Variants in DUSP9 observed in about 807,000 individuals in gnomAD.
The protein encoded by DUSP9 is dual specificity phosphatase 9, also known as dual specificity protein phosphatase 9.
Under a neutral mutation model 13.2 loss-of-function variants are expected in DUSP9, and 4 were observed. That is an observed-to-expected ratio of 0.30 (90% CI 0.15 to 0.69). The LOEUF is 0.69. Ranked by LOEUF, DUSP9 falls within the 30% of genes least tolerant of loss-of-function variation. The probability of loss-of-function intolerance (pLI) is 0.73; values close to 1 mark genes in which losing one functional copy is unlikely to be tolerated. For missense variants in DUSP9, 263 were observed against 355.0 expected (o/e 0.74, Z 2.08); for synonymous variants, 166 against 172.3 (o/e 0.96, Z 0.29).
rs781910246 is a variant in DUSP9 at position 153,649,625 on chromosome X, C to T, written c.767C>T (p.Pro256Leu). 2.5e-6 allele frequency: 3 copies of T among 1,211,914 alleles called. No individual in the cohort carries two copies. Among genetic ancestry groups the T allele is most frequent in the Non-Finnish European group, 3.3e-6 (3 of 895,607 alleles). Residue 256 changes from proline to leucine, a missense_variant, in exon 3 of 4, where the codon CCC (proline) becomes CTC (leucine). Physicochemically the swap from Pro to Leu is moderately conservative, Grantham distance 98. Coordinates refer to ENST00000342782, the MANE Select transcript of DUSP9 (RefSeq NM_001318503.2). The stretch of plus-strand genomic sequence containing the variant: ...GGTGACTTTCACTACAAGCAGATCC[C>T]CATCTCCGACCACTGGAGCCAGAAC... Reference protein sequence around the residue: ...KNGDFHYKQIPISDHWSQNLS... With the variant: ...KNGDFHYKQILISDHWSQNLS...
rs1351998221 is a variant in DUSP9 at position 153,650,495 on chromosome X, TCTTCTGCGA to T, written c.*193_*201del. The T allele has an allele frequency of 4.8e-6, 2 of 416,373 alleles. No homozygotes were observed. The highest frequency in any genetic ancestry group is 8.3e-6 in the Non-Finnish European group (2 of 241,760). The allele number at this position is 416,373 out of a possible 1,213,427, so 34.3% of individuals were successfully genotyped here. ...GGCGGGACCACGCTCGGAGCCTGCC[TCTTCTGCGA>T]CTGTTACTTTTTCTTTGCGGGATGG... On this transcript the variant is annotated 3_prime_UTR_variant, in exon 4 of 4. Transcript: ENST00000342782.
chrX:153,648,818 C>T (rs1557035972), intron 2 of DUSP9, among the ~76,000 whole-genome samples: 1 of 112,561 alleles, frequency 8.9e-6, no homozygotes, highest in African/African-American at 3.2e-5. Flanking sequence ...TATTCTCCCC[C>T]AAGTTCCCCC....
chrX:153,644,033 C>A (rs1187183322), upstream of DUSP9, among the ~76,000 whole-genome samples: 1 of 111,814 alleles, frequency 8.9e-6, no homozygotes, highest in East Asian at 2.8e-4. Flanking sequence ...GGAAAAGACA[C>A]TGGATTTGGC....
chrX:153,649,163 A>G, intron 2 of DUSP9, 69 bp from the exon 3 acceptor site: 2 of 1,045,510 alleles, frequency 1.9e-6, no homozygotes, highest in Admixed American at 4.5e-5. Flanking sequence ...TCATCTCCCC[A>G]GCCCCAGACA....
chrX:153,650,496 C>T lies in DUSP9; in HGVS notation c.*191C>T. Reference sequence around the variant, plus strand: ...GCGGGACCACGCTCGGAGCCTGCCTCTTCTGCGACTGTTACTTTTTCTTTG... The same window carrying T: ...GCGGGACCACGCTCGGAGCCTGCCTTTTCTGCGACTGTTACTTTTTCTTTG... On this transcript the variant is annotated 3_prime_UTR_variant, in exon 4 of 4. Transcript: ENST00000342782. 1.4e-5 allele frequency: 6 copies of T among 415,896 alleles called. No homozygotes were observed. The highest frequency in any genetic ancestry group is 2.1e-5 in the Non-Finnish European group (5 of 241,139). 34.3% of individuals were successfully genotyped at this position (415,896 alleles called of 1,213,427 possible). A position where few individuals can be genotyped will look rare whatever the true frequency, so the allele number is the denominator to read the frequency against.
chrX:153,644,307 C>CGGGGGG (rs2091180377), upstream of DUSP9, among the ~76,000 whole-genome samples: 1 of 21,149 alleles, frequency 4.7e-5, no homozygotes, highest in Non-Finnish European at 9.8e-5. Context: ...GGGGCGGGGG[C>CGGGGGG]GGGGGCGGCA....
At chrX:153,644,273 G>C (rs868982061), upstream of DUSP9, among the ~76,000 whole-genome samples, 20 of 93,133 alleles carry the variant, frequency 2.1e-4, no homozygotes, top group Middle Eastern at 5.7e-3. Flanking sequence ...CGGAGGCCCG[G>C]GGCGCCCGGC....
At position 153,650,600 on chromosome X, in the gene DUSP9, T is replaced by C. The variant is rs921408955; in HGVS notation, c.*295T>C. On this transcript the variant is annotated 3_prime_UTR_variant, in exon 4 of 4. Transcript: ENST00000342782. ...GCCCTGGGTGCTCAGCCAGCTCGGC[T>C]AGGCCCTGCGCCTCCCTGCGCTTCC... 3.2e-6 allele frequency: 1 copy of C among 316,760 alleles called. No homozygotes were observed. The highest frequency in any genetic ancestry group is 5.5e-6 in the Non-Finnish European group (1 of 181,088). The allele number at this position is 316,760 out of a possible 1,213,427, so 26.1% of individuals were successfully genotyped here.
Position 153,648,338 on chromosome X carries a change from G to C in DUSP9, c.373+12G>C. On this transcript the variant is annotated intron_variant, in intron 2 of 3. Coordinates refer to ENST00000342782, the MANE Select transcript of DUSP9 (RefSeq NM_001318503.2). ...CTACTACCTCCAGGGTAGGTGCCGCGGGGCCCTCCTTCCAGGGGGTTCGGG... is the reference window on the plus strand; with the variant it reads ...CTACTACCTCCAGGGTAGGTGCCGCCGGGCCCTCCTTCCAGGGGGTTCGGG... The C allele has an allele frequency of 1.8e-6, 2 of 1,108,129 alleles. No individual in the cohort carries two copies. Among genetic ancestry groups the C allele is most frequent in the South Asian group, 2.1e-5 (1 of 47,042 alleles). 91.3% of individuals were successfully genotyped at this position (1,108,129 alleles called of 1,213,427 possible). A position where few individuals can be genotyped will look rare whatever the true frequency, so the allele number is the denominator to read the frequency against.
upstream of DUSP9, among the ~76,000 whole-genome samples, chrX:153,643,304 A>C (rs1333825152): frequency 9.3e-6 from 1 of 107,225 alleles, no homozygotes; most frequent in African/African-American, 3.4e-5. Flanking sequence ...GACACCCCCC[A>C]GCACATCTCT....
At position 153,650,021 on chromosome X, in the gene DUSP9, T is replaced by C. The variant is rs1328661153; in HGVS notation, c.871T>C (p.Leu291=). ...SQNCGVLVHC[L]AGVSRSVTVT... ...GAACTGCGGGGTGCTCGTCCACTGCTTGGCGGGGGTCAGCCGTTCTGTCAC... is the reference window on the plus strand; with the variant it reads ...GAACTGCGGGGTGCTCGTCCACTGCCTGGCGGGGGTCAGCCGTTCTGTCAC... The change falls in exon 4 of 4, where the codon TTG becomes CTG. Residue 291 remains leucine, a synonymous_variant. Coordinates refer to ENST00000342782, the MANE Select transcript of DUSP9 (RefSeq NM_001318503.2). 8.3e-7 allele frequency: 1 copy of C among 1,210,786 alleles called. No individual in the cohort carries two copies. The highest frequency in any genetic ancestry group is 1.7e-5 in the African/African-American group (1 of 57,613).
At position 153,649,974 on chromosome X, in the gene DUSP9, A is replaced by G. The variant is rs782020352; in HGVS notation, c.830-6A>G. ...GGTCTCCCGGGCCCTTTCCTGCCCC[A>G]TCTAGATGAGGCCTTGTCCCAGAAC... On this transcript the variant is annotated splice_region_variant and splice_polypyrimidine_tract_variant and intron_variant, in intron 3 of 3. Coordinates refer to ENST00000342782, the MANE Select transcript of DUSP9 (RefSeq NM_001318503.2). 8.3e-7 allele frequency: 1 copy of G among 1,206,723 alleles called. No individual in the cohort carries two copies. The highest frequency in any genetic ancestry group is 1.1e-6 in the Non-Finnish European group (1 of 893,656).
upstream of DUSP9, chrX:153,647,054 C>G (rs897632697): frequency 2.1e-4 from 24 of 112,836 alleles, no homozygotes; most frequent in African/African-American, 7.4e-4. Flanking sequence ...CGTCCCGCCT[C>G]GGTGGAAGCC....
chrX:153,649,227 A>G lies in DUSP9; in HGVS notation c.374-5A>G, dbSNP rs2091201889. The G allele has an allele frequency of 8.3e-7, 1 of 1,208,401 alleles. No individual in the cohort carries two copies. The highest frequency in any genetic ancestry group is 1.7e-5 in the African/African-American group (1 of 57,380). ...TCAGCAGGCCCCATGCCCTCTCCCC[A>G]ACAGGAGGCTTCAGCAGATTCCAGG... On this transcript the variant is annotated splice_polypyrimidine_tract_variant and splice_region_variant and intron_variant, in intron 2 of 3. Transcript: ENST00000342782.
upstream of DUSP9, among the ~76,000 whole-genome samples, chrX:153,644,120 G>A (rs1462661915): frequency 9.0e-6 from 1 of 111,501 alleles, no homozygotes; most frequent in African/African-American, 3.2e-5. Flanking sequence ...CACTCGGCCC[G>A]GCGGGAACGG....
At chrX:153,642,601 G>A (rs1291095499), upstream of DUSP9, 1 of 111,977 alleles carries the variant, frequency 8.9e-6, no homozygotes, top group East Asian at 2.9e-4. Context: ...GGAGAACCGA[G>A]CAGAGCGGAG....
At chrX:153,645,392 T>C (rs781950135), upstream of DUSP9, among the ~76,000 whole-genome samples, 26 of 113,123 alleles carry the variant, frequency 2.3e-4, no homozygotes, top group African/African-American at 8.0e-4. Flanking sequence ...TTAGGACTCT[T>C]GTTAGACGCA....
Position 153,650,533 on chromosome X carries a change from T to C in DUSP9, c.*228T>C. On this transcript the variant is annotated 3_prime_UTR_variant, in exon 4 of 4. Coordinates refer to ENST00000342782, the MANE Select transcript of DUSP9 (RefSeq NM_001318503.2). ...TTACTTTTTCTTTGCGGGATGGGGGTGGGGGTTCCCTCTCCAGGTGGTTGT... is the reference window on the plus strand; with the variant it reads ...TTACTTTTTCTTTGCGGGATGGGGGCGGGGGTTCCCTCTCCAGGTGGTTGT... 5.0e-6 allele frequency: 2 copies of C among 399,554 alleles called. No individual in the cohort carries two copies. Among genetic ancestry groups the C allele is most frequent in the South Asian group, 9.0e-5 (2 of 22,190 alleles). The allele number at this position is 399,554 out of a possible 1,213,427, so 32.9% of individuals were successfully genotyped here.
chrX:153,644,456 C>T (rs184893584), upstream of DUSP9, among the ~76,000 whole-genome samples: 2,806 of 107,559 alleles, frequency 0.026, 30 homozygotes, highest in Non-Finnish European at 0.036. Flanking sequence ...CGGGGCGGCG[C>T]CCAGAGCCGG....
Sources: gnomAD v4.1 joint callset for allele counts (sites outside exome capture counted in the v4.1 genomes callset) on GRCh38, gnomAD v4.1.1 for gene constraint, MANE v1.5 for transcripts, NCBI Gene and HGNC (gene_info 2026-07-23, HGNC 2026-07-21) for gene names.